Variants in LHFPL3 observed in about 807,000 individuals in gnomAD.
LHFPL3 encodes the protein LHFPL tetraspan subfamily member 3.
In LHFPL3, 5 loss-of-function variants were observed where a neutral mutation model predicts 19.3. The ratio of observed to expected loss-of-function variants is 0.26; its 90% CI spans 0.14 to 0.54. LHFPL3 has a LOEUF of 0.54. LHFPL3 is among the 20% of genes least tolerant of loss of function. The pLI is 0.94. For missense variants in LHFPL3, 249 were observed against 307.4 expected (o/e 0.81, Z 1.42); for synonymous variants, 133 against 126.2 (o/e 1.05, Z -0.36).
chr7:104,479,147 A>G (rs1225049222), intron 1 of LHFPL3, among the ~76,000 whole-genome samples: 4 of 152,082 alleles, frequency 2.6e-5, no homozygotes, highest in African/African-American at 9.7e-5. Flanking sequence ...AGCTCATAAG[A>G]CCCTTCTCTG....
chr7:104,372,674 T>A (rs1352501570), intron 1 of LHFPL3, among the ~76,000 whole-genome samples: 2 of 152,048 alleles, frequency 1.3e-5, no homozygotes, highest in East Asian at 3.8e-4. Flanking sequence ...AAAATAGGAG[T>A]GATAATACAG....
In LHFPL3 at chr7:104,902,409, G is replaced by A. The variant is rs566201024; in HGVS notation, c.683-3778G>A. Among the ~76,000 whole-genome samples the A allele has an allele frequency of 2.0e-5, 3 of 151,778 alleles. No homozygotes were observed. The South Asian group carries it at 6.3e-4, about 32-fold the overall frequency. ...CTCAAAAAGAAGAGGAGGAAGAGGA[G>A]GAGGGAGAGGAGAAGGAGGAGGAGG... On this transcript the variant is annotated intron_variant, in intron 2 of 2. Transcript: ENST00000424859.
intron 1 of LHFPL3, among the ~76,000 whole-genome samples, chr7:104,505,068 C>T (rs967025529): frequency 6.6e-6 from 1 of 152,082 alleles, no homozygotes; most frequent in African/African-American, 2.4e-5. Flanking sequence ...TATATACATA[C>T]TATGTATATG....
At chr7:104,612,416 T>C (rs1791228933) in intron 1 of LHFPL3, among the ~76,000 whole-genome samples, 2 of 152,072 alleles carry the variant, frequency 1.3e-5, no homozygotes, top group African/African-American at 4.8e-5. Context: ...GATGGATGGA[T>C]GGACATCCAA....
At chr7:104,744,348 A>G (rs1384259512) in intron 2 of LHFPL3, among the ~76,000 whole-genome samples, 1 of 152,066 alleles carries the variant, frequency 6.6e-6, no homozygotes. Flanking sequence ...GGAAGCCCAG[A>G]AAAAAAAGTA....
At chr7:104,565,539 A>G (rs1790102372) in intron 1 of LHFPL3, among the ~76,000 whole-genome samples, 1 of 152,236 alleles carries the variant, frequency 6.6e-6, no homozygotes, top group Non-Finnish European at 1.5e-5. Flanking sequence ...AAATTGAGGA[A>G]GAGAAATGAA....
At chr7:104,417,884 C>CTTCTTTTTTT (rs1554391164) in intron 1 of LHFPL3, among the ~76,000 whole-genome samples, 1 of 117,762 alleles carries the variant, frequency 8.5e-6, no homozygotes, top group African/African-American at 3.4e-5. Flanking sequence ...TCTTCTTCTT[C>CTTCTTTTTTT]TTTTTTTTTT....
intron 2 of LHFPL3, among the ~76,000 whole-genome samples, chr7:104,737,510 G>A (rs1019537890): frequency 6.6e-6 from 1 of 152,108 alleles, no homozygotes; most frequent in Non-Finnish European, 1.5e-5. Flanking sequence ...AAAAGAAATT[G>A]CCTTCTGAAA....
intron 1 of LHFPL3, among the ~76,000 whole-genome samples, chr7:104,347,753 G>T (rs544808315): frequency 6.6e-6 from 1 of 151,992 alleles, no homozygotes; most frequent in East Asian, 1.9e-4. Flanking sequence ...TTAGTCGGGC[G>T]TGGTGGCACG....
intron 2 of LHFPL3, among the ~76,000 whole-genome samples, chr7:104,837,207 T>C (rs566956300): frequency 9.8e-5 from 15 of 152,342 alleles, no homozygotes; most frequent in African/African-American, 3.6e-4. Flanking sequence ...TCAGCTCTCA[T>C]GTTTGATTGT....
intron 1 of LHFPL3, among the ~76,000 whole-genome samples, chr7:104,724,845 G>A (rs775002606): frequency 8.5e-5 from 13 of 152,200 alleles, no homozygotes; most frequent in Non-Finnish European, 1.5e-4. Context: ...ACAGTGCCCT[G>A]TAGCCTGAAG....
At chr7:104,459,334 C>G (rs953547887) in intron 1 of LHFPL3, among the ~76,000 whole-genome samples, 1 of 152,152 alleles carries the variant, frequency 6.6e-6, no homozygotes, top group African/African-American at 2.4e-5. Context: ...TTAATGTACT[C>G]TTTGAATGTT....
chr7:104,397,558 G>GT (rs1459359448), intron 1 of LHFPL3, among the ~76,000 whole-genome samples: 1 of 152,006 alleles, frequency 6.6e-6, no homozygotes, highest in Non-Finnish European at 1.5e-5. Flanking sequence ...TTTACCCCTA[G>GT]TTTCCCCCGG....
At chr7:104,459,905 A>G (rs960559122) in intron 1 of LHFPL3, among the ~76,000 whole-genome samples, 2 of 152,212 alleles carry the variant, frequency 1.3e-5, no homozygotes, top group Non-Finnish European at 2.9e-5. Flanking sequence ...GGTTTGTTAT[A>G]TAGGTAAATT....
chr7:104,491,141 A>G (rs1236170991), intron 1 of LHFPL3, among the ~76,000 whole-genome samples: 1 of 126,722 alleles, frequency 7.9e-6, no homozygotes, highest in African/African-American at 2.5e-5. Context: ...CTTAGGGTTG[A>G]GATTAGACCA....
intron 1 of LHFPL3, among the ~76,000 whole-genome samples, chr7:104,379,432 A>T (rs1562879689): frequency 6.6e-6 from 1 of 152,224 alleles, no homozygotes; most frequent in Non-Finnish European, 1.5e-5. Context: ...TGAACATGAA[A>T]ATGGAGTCTG....
intron 1 of LHFPL3, among the ~76,000 whole-genome samples, chr7:104,557,731 G>A (rs969544770): frequency 5.6e-4 from 84 of 150,990 alleles, no homozygotes; most frequent in Non-Finnish European, 1.0e-3. Context: ...ACATTGTGCA[G>A]GTTAGTTACA....
At chr7:104,546,926 T>C (rs1794586168) in intron 1 of LHFPL3, among the ~76,000 whole-genome samples, 2 of 152,230 alleles carry the variant, frequency 1.3e-5, no homozygotes, top group Admixed American at 1.3e-4. Context: ...GCACAAATGT[T>C]AACAAGCTCT....
chr7:104,772,563 A>T (rs570842061), intron 2 of LHFPL3, among the ~76,000 whole-genome samples: 3 of 152,340 alleles, frequency 2.0e-5, no homozygotes, highest in African/African-American at 7.2e-5. Context: ...ACCCCAGCTC[A>T]GTCCTCACCA....
Sources: allele counts gnomAD v4.1 joint callset (sites outside exome capture counted in the v4.1 genomes callset), GRCh38; gene constraint gnomAD v4.1.1; transcripts MANE v1.5; gene names NCBI Gene and HGNC (gene_info 2026-07-23, HGNC 2026-07-21).